EPB41L2: variants seen among roughly 807,000 people sequenced by gnomAD.
EPB41L2 encodes the protein erythrocyte membrane protein band 4.1 like 2.
EPB41L2 carries 43 observed loss-of-function variants against 113.0 expected under a neutral mutation model. The ratio of observed to expected loss-of-function variants is 0.38; its 90% CI spans 0.30 to 0.49. The LOEUF (loss-of-function observed/expected upper bound fraction) is 0.49, where lower values mean the gene tolerates loss of function less well. Among genes scored for constraint, EPB41L2 ranks in the 20% least tolerant of loss-of-function variants. The probability of loss-of-function intolerance (pLI) is 0.95; values close to 1 mark genes in which losing one functional copy is unlikely to be tolerated. For missense variants in EPB41L2, 1,147 were observed against 1,223.4 expected (o/e 0.94, Z 0.93); for synonymous variants, 442 against 436.7 (o/e 1.01, Z -0.15).
At chr6:131,052,126 G>A (rs143316056) in intron 1 of EPB41L2, among the ~76,000 whole-genome samples, 1,575 of 152,010 alleles carry the variant, frequency 0.01, 35 homozygotes, top group African/African-American at 0.037. Context: ...TAGTACAGAT[G>A]GGGTTTTGCC....
chr6:130,860,786 G>A (rs905680009), intron 18 of EPB41L2, among the ~76,000 whole-genome samples: 23 of 151,398 alleles, frequency 1.5e-4, no homozygotes, highest in Admixed American at 1.2e-3. Context: ...TGCCCGCCTC[G>A]GCCTCCCAAA....
chr6:131,062,835 C>T (rs954717569), intron 1 of EPB41L2, among the ~76,000 whole-genome samples: 15 of 151,954 alleles, frequency 9.9e-5, no homozygotes, highest in Non-Finnish European at 2.1e-4. Flanking sequence ...GGCCCCGGTC[C>T]CCCGGAAGAG....
intron 3 of EPB41L2, among the ~76,000 whole-genome samples, chr6:130,953,535 G>C (rs994846326): frequency 6.6e-6 from 1 of 152,052 alleles, no homozygotes; most frequent in Non-Finnish European, 1.5e-5. Context: ...GCAGATGGGG[G>C]AGGGATAGCA....
intron 4 of EPB41L2, among the ~76,000 whole-genome samples, chr6:130,912,630 G>T (rs1799774250): frequency 2.0e-5 from 3 of 152,254 alleles, no homozygotes; most frequent in African/African-American, 7.2e-5. Context: ...CCAGTGCCAT[G>T]TGAGGGAGCA....
At chr6:131,012,553 G>A (rs1488398208) in intron 1 of EPB41L2, among the ~76,000 whole-genome samples, 1 of 150,320 alleles carries the variant, frequency 6.7e-6, no homozygotes, top group Non-Finnish European at 1.5e-5. Context: ...AACTGATGTT[G>A]ATGAATAGGA....
chr6:130,970,986 A>G (rs1300713530), intron 1 of EPB41L2, among the ~76,000 whole-genome samples: 1 of 152,152 alleles, frequency 6.6e-6, no homozygotes, highest in African/African-American at 2.4e-5. Context: ...TCCTGGGCTC[A>G]AACAATCCTC....
intron 1 of EPB41L2, among the ~76,000 whole-genome samples, chr6:131,016,489 C>G (rs1439011189): frequency 9.1e-6 from 1 of 109,336 alleles, no homozygotes; most frequent in East Asian, 2.3e-4. Flanking sequence ...CACACACACA[C>G]ACACACACAC....
Position 130,878,247 on chromosome 6 carries a change from G to T in EPB41L2, c.1900C>A (p.Leu634Met). 6.2e-7 allele frequency: 1 copy of T among 1,605,146 alleles called. No individual in the cohort carries two copies. The highest frequency in any genetic ancestry group is 8.5e-7 in the Non-Finnish European group (1 of 1,177,072). ...AGTATGTCCTCCTGGGCCTTATCCA[G>T]TTCCTAGCAATATGTAACGTAACAA... ...VRHSNLMLEE[L>M]DKAQEDILKH... The change falls in exon 14 of 20, where the codon CTG becomes ATG. Residue 634 changes from leucine (L) to methionine (M), a missense_variant. Coordinates refer to ENST00000337057, the MANE Select transcript of EPB41L2 (RefSeq NM_001431.4).
intron 3 of EPB41L2, among the ~76,000 whole-genome samples, chr6:130,931,947 C>T (rs1297115903): frequency 6.6e-6 from 1 of 152,072 alleles, no homozygotes; most frequent in East Asian, 1.9e-4. Flanking sequence ...CTTCTCTATG[C>T]CTCAGTTCCG....
chr6:130,882,360 T>C (rs1789591481), intron 12 of EPB41L2: 1 of 152,506 alleles, frequency 6.6e-6, no homozygotes, highest in African/African-American at 2.4e-5. Flanking sequence ...TTATTTCTCA[T>C]GCACTAAAAT....
chr6:131,032,180 C>T (rs977221229), intron 1 of EPB41L2, among the ~76,000 whole-genome samples: 3 of 152,012 alleles, frequency 2.0e-5, no homozygotes, highest in South Asian at 2.1e-4. Flanking sequence ...AGAGACAGCC[C>T]TAGCCAGCAC....
At chr6:130,849,711 A>G (rs1201381221) in intron 19 of EPB41L2, among the ~76,000 whole-genome samples, 11 of 152,240 alleles carry the variant, frequency 7.2e-5, no homozygotes, top group Non-Finnish European at 1.6e-4. Context: ...ATATGTATGC[A>G]TGTATTCCAA....
chr6:130,866,253 G>A (rs866832815), intron 16 of EPB41L2, among the ~76,000 whole-genome samples: 2 of 152,148 alleles, frequency 1.3e-5, no homozygotes, highest in African/African-American at 4.8e-5. Context: ...TGTTAAAATA[G>A]ATTTTAACTT....
intron 4 of EPB41L2, among the ~76,000 whole-genome samples, chr6:130,920,398 CA>C: frequency 6.6e-6 from 1 of 152,218 alleles, no homozygotes; most frequent in Non-Finnish European, 1.5e-5. Context: ...CTGGACATTG[CA>C]GGTTTACATC....
chr6:130,869,812 C>G lies in EPB41L2; in HGVS notation c.2358G>C (p.Lys786Asn), dbSNP rs780007505. 6.2e-7 allele frequency: 1 copy of G among 1,614,010 alleles called. No individual in the cohort carries two copies. Among genetic ancestry groups the G allele is most frequent in the South Asian group, 1.1e-5 (1 of 91,054 alleles). ...GCACTGCTTCCTCCCTCTCTACTAC[C>G]TTGGCTGCCGGGCGGGGTTCTTCCT... is the stretch of plus-strand genomic sequence containing the variant. ...EVEEEPRPAA[K>N]VVEREEAVPE... is the part of the protein sequence containing the mutation. The change falls in exon 15 of 20, where the codon AAG becomes AAC. Residue 786 changes from lysine (K) to asparagine (N), a missense_variant. Transcript: ENST00000337057.
Position 130,859,728 on chromosome 6 carries a change from C to T in EPB41L2, c.2911-1485G>A, listed in dbSNP as rs75178707. Among the ~76,000 whole-genome samples the T allele has an allele frequency of 8.8e-4, 128 of 145,698 alleles. 1 individual carries two copies. The highest frequency in any genetic ancestry group is 3.0e-3 in the African/African-American group (119 of 39,480). ...TAAACAGAAACCCTAAGCCTCGTTT[C>T]GTTTAAAAAAAGGTAAAGCTACCAA... On this transcript the variant is annotated intron_variant, in intron 18 of 19. Transcript: ENST00000337057.
chr6:130,912,327 C>T (rs9402299), intron 4 of EPB41L2, among the ~76,000 whole-genome samples: 64,783 of 152,068 alleles, frequency 0.43, 16,266 homozygotes, highest in Non-Finnish European at 0.54. Context: ...AAATAACCTG[C>T]TGTCTTAATA....
chr6:130,992,740 C>T (rs1562682484), intron 1 of EPB41L2, among the ~76,000 whole-genome samples: 1 of 152,010 alleles, frequency 6.6e-6, no homozygotes, highest in Admixed American at 6.6e-5. Flanking sequence ...AAGCAATTCT[C>T]CTGCCTCAGC....
At chr6:131,027,187 T>C (rs974803439) in intron 1 of EPB41L2, among the ~76,000 whole-genome samples, 4 of 152,234 alleles carry the variant, frequency 2.6e-5, no homozygotes, top group Non-Finnish European at 4.4e-5. Context: ...AGTTAAATTT[T>C]CTATCTGTAT....
Sources: gnomAD v4.1 joint callset for allele counts (sites outside exome capture counted in the v4.1 genomes callset) on GRCh38, gnomAD v4.1.1 for gene constraint, MANE v1.5 for transcripts, NCBI Gene and HGNC (gene_info 2026-07-23, HGNC 2026-07-21) for gene names.